The following DAB1 variants were observed in gnomAD, a reference collection of about 807,000 sequenced individuals.
The protein encoded by DAB1 is DAB adaptor protein 1.
DAB1 carries 15 observed loss-of-function variants against 64.6 expected under a neutral mutation model. That is an observed-to-expected ratio of 0.23 (90% CI 0.16 to 0.36). The LOEUF (loss-of-function observed/expected upper bound fraction) is 0.36. DAB1 is among the 10% of genes least tolerant of loss of function. The pLI is 1.00. For missense variants in DAB1, 596 were observed against 706.7 expected (o/e 0.84, Z 1.78); for synonymous variants, 235 against 251.9 (o/e 0.93, Z 0.64).
In DAB1 at chr1:57,769,771, C is replaced by T. The variant is rs533207327; in HGVS notation, n.551+114228G>A. Among the ~76,000 whole-genome samples, 323 of 152,226 alleles carry T rather than the reference C, an allele frequency of 2.1e-3. 1 individual carries two copies. The highest frequency in any genetic ancestry group is 3.8e-3 in the Non-Finnish European group (256 of 68,000). ...TGAAATAGAAACTGCTAAGAGTTCC[C>T]GTTTTGGGGTGTTTTAGAACGGCCT... On this transcript the variant is annotated intron_variant and non_coding_transcript_variant, in intron 6 of 20. Transcript: ENST00000485760.
intron 1 of DAB1, among the ~76,000 whole-genome samples, chr1:57,373,610 A>T (rs2100943159): frequency 6.6e-6 from 1 of 152,280 alleles, no homozygotes; most frequent in African/African-American, 2.4e-5. Flanking sequence ...TGCCTCCCAA[A>T]TTGCCCATGC....
rs563849360 is a variant in DAB1 at position 57,787,451 on chromosome 1, C to CA, written n.551+96547dup. Among the ~76,000 whole-genome samples the CA allele has an allele frequency of 4.6e-4, 70 of 152,014 alleles. 1 individual carries two copies. The South Asian group carries it at 0.013, about 29-fold the overall frequency. ...ATAGTTTTTTCAAATAGCACTGGAA[C>CA]AATTAGATGCCCATTTGCAAAGGAA... is the stretch of plus-strand genomic sequence containing the variant. On this transcript the variant is annotated intron_variant and non_coding_transcript_variant, in intron 6 of 20. Coordinates refer to the DAB1 transcript ENST00000485760.
chr1:57,370,390 C>A (rs1680399212), intron 1 of DAB1, among the ~76,000 whole-genome samples: 1 of 152,174 alleles, frequency 6.6e-6, no homozygotes, highest in South Asian at 2.1e-4. Context: ...TTAAAAATTT[C>A]AACAGCACAG....
intron 4 of DAB1, among the ~76,000 whole-genome samples, chr1:57,074,152 G>A (rs998902810): frequency 2.6e-5 from 4 of 152,272 alleles, no homozygotes; most frequent in Admixed American, 6.5e-5. Flanking sequence ...TTACAGGTGC[G>A]AACCACTGCA....
chr1:57,568,655 A>C (rs572872728), intron 7 of DAB1, among the ~76,000 whole-genome samples: 1 of 152,240 alleles, frequency 6.6e-6, no homozygotes, highest in African/African-American at 2.4e-5. Flanking sequence ...ACTTTTATGC[A>C]GCCAACAGAC....
chr1:57,844,685 G>A lies in DAB1; in HGVS notation n.88-18230C>T, dbSNP rs1467406492. Among the ~76,000 whole-genome samples the A allele has an allele frequency of 2.0e-5, 3 of 152,136 alleles. No homozygotes were observed. The South Asian group carries it at 6.2e-4, about 32-fold the overall frequency. ...CTTCATGGGGCTCCATTGCATTCTT[G>A]TTCCTGGCTGGGTTCTGTCAAAGGG... On this transcript the variant is annotated intron_variant and non_coding_transcript_variant, in intron 1 of 1. Coordinates refer to the DAB1 transcript ENST00000477280.
At chr1:57,922,050 C>G (rs1460724899) in intron 5 of DAB1, among the ~76,000 whole-genome samples, 1 of 152,250 alleles carries the variant, frequency 6.6e-6, no homozygotes, top group African/African-American at 2.4e-5. Context: ...TCACCCTATC[C>G]TTTTCCTCCT....
intron 5 of DAB1, among the ~76,000 whole-genome samples, chr1:58,141,797 C>T (rs1654300066): frequency 6.6e-6 from 1 of 152,084 alleles, no homozygotes; most frequent in Non-Finnish European, 1.5e-5. Flanking sequence ...GAAGGGCATT[C>T]TGGGTAGAGG....
intron 7 of DAB1, among the ~76,000 whole-genome samples, chr1:57,480,244 C>A (rs1052334414): frequency 9.2e-5 from 14 of 151,668 alleles, no homozygotes; most frequent in African/African-American, 3.4e-4. Flanking sequence ...CTGCCATAAT[C>A]CACTGATCTG....
At chr1:57,829,825 T>A (rs1652510148) in intron 1 of DAB1, among the ~76,000 whole-genome samples, 1 of 152,208 alleles carries the variant, frequency 6.6e-6, no homozygotes. Context: ...ATAAAATAAT[T>A]CCTTACATGG....
At chr1:57,341,910 T>C (rs1003565643) in intron 1 of DAB1, among the ~76,000 whole-genome samples, 12 of 152,348 alleles carry the variant, frequency 7.9e-5, no homozygotes, top group Admixed American at 7.8e-4. Context: ...GGTGATGCCA[T>C]CTGTCACTGT....
chr1:57,100,326 A>T (rs1483422959), intron 4 of DAB1, among the ~76,000 whole-genome samples: 2 of 152,010 alleles, frequency 1.3e-5, no homozygotes, highest in African/African-American at 4.8e-5. Context: ...ATATTAGTAC[A>T]TATCCAAAGA....
At chr1:57,806,644 C>T (rs983513669) in intron 6 of DAB1, among the ~76,000 whole-genome samples, 6 of 152,176 alleles carry the variant, frequency 3.9e-5, no homozygotes, top group Admixed American at 3.3e-4. Context: ...GTTTGTGGTA[C>T]TTTGTTATGG....
chr1:58,491,471 A>G (rs1364547868), intron 3 of DAB1, among the ~76,000 whole-genome samples: 1 of 152,194 alleles, frequency 6.6e-6, no homozygotes, highest in Non-Finnish European at 1.5e-5. Flanking sequence ...CAGACTGGCA[A>G]ATTGGATAAA....
intron 9 of DAB1, 29 bp downstream of exon 9, chr1:57,062,855 A>G: frequency 8.8e-6 from 14 of 1,598,348 alleles, no homozygotes; most frequent in Non-Finnish European, 1.2e-5. Context: ...GGTCACGGAA[A>G]CCTGGCAGTG....
intron 7 of DAB1, among the ~76,000 whole-genome samples, chr1:57,526,711 C>T (rs1052191550): frequency 2.6e-5 from 4 of 152,292 alleles, no homozygotes; most frequent in Middle Eastern, 3.4e-3. Flanking sequence ...CAGAGCTTGA[C>T]TTCTTCTGTG....
rs954403299 is a variant in DAB1 at position 57,708,615 on chromosome 1, C to T, written n.552-58950G>A. Among the ~76,000 whole-genome samples the T allele has an allele frequency of 1.2e-3, 185 of 152,304 alleles. 3 individuals are homozygous for T. Among genetic ancestry groups the T allele is most frequent in the Admixed American group, 0.012 (183 of 15,294 alleles). On this transcript the variant is annotated intron_variant and non_coding_transcript_variant, in intron 6 of 20. Coordinates refer to the DAB1 transcript ENST00000485760. ...GGTGAAGCTGGCTGTGACTTGGGTT[C>T]CTCCCAATGGGGCACAGAATTTCCC...
At chr1:57,746,420 T>C (rs1237529192) in intron 6 of DAB1, among the ~76,000 whole-genome samples, 1 of 152,174 alleles carries the variant, frequency 6.6e-6, no homozygotes, top group East Asian at 1.9e-4. Context: ...TGAGAAATTG[T>C]ATTTTTTGTT....
At chr1:57,177,282 C>G (rs1662433311) in intron 2 of DAB1, among the ~76,000 whole-genome samples, 1 of 152,220 alleles carries the variant, frequency 6.6e-6, no homozygotes, top group East Asian at 1.9e-4. Context: ...TACATACACC[C>G]AAGTTCTAAC....
Sources: allele counts gnomAD v4.1 joint callset (sites outside exome capture counted in the v4.1 genomes callset), GRCh38; gene constraint gnomAD v4.1.1; transcripts MANE v1.5; gene names NCBI Gene and HGNC (gene_info 2026-07-23, HGNC 2026-07-21).